Variants in AP2B1 observed in about 807,000 individuals in gnomAD.
AP2B1 encodes adaptor related protein complex 2 subunit beta 1.
AP2B1 carries 23 observed loss-of-function variants against 102.0 expected under a neutral mutation model. The observed-to-expected ratio is 0.23, with a 90% CI of 0.16 to 0.32. The LOEUF is 0.32. Among genes scored for constraint, AP2B1 ranks in the 10% least tolerant of loss-of-function variants. The probability of loss-of-function intolerance (pLI) is 1.00; values close to 1 mark genes in which losing one functional copy is unlikely to be tolerated. For synonymous variants in AP2B1, 381 were observed against 421.2 expected (o/e 0.90, Z 1.17); for missense variants, 541 against 1,157.4 (o/e 0.47, Z 7.73).
chr17:35,597,776 A>G (rs902737496), intron 2 of AP2B1, among the ~76,000 whole-genome samples: 7 of 152,228 alleles, frequency 4.6e-5, no homozygotes, highest in African/African-American at 1.7e-4. Context: ...GCTAAGCCCA[A>G]CTTTGTCACT....
intron 9 of AP2B1, 57 bp downstream of exon 9, chr17:35,627,783 C>G: frequency 7.2e-7 from 1 of 1,391,586 alleles, no homozygotes; most frequent in Non-Finnish European, 9.9e-7. Context: ...GTTCTCTTCA[C>G]TTTTTTCTTT....
chr17:35,711,698 C>G (rs1245561733), intron 20 of AP2B1, among the ~76,000 whole-genome samples: 1 of 152,212 alleles, frequency 6.6e-6, no homozygotes, highest in Non-Finnish European at 1.5e-5. Context: ...TTCTTGATCT[C>G]CTGACCTTGT....
In AP2B1 at chr17:35,640,247, T is replaced by TA. The variant is rs56356039; in HGVS notation, c.1437+487_1437+488insA. 2.3e-3 allele frequency among the ~76,000 whole-genome samples: 333 copies of TA among 147,226 alleles called. 3 individuals are homozygous for TA. Among genetic ancestry groups the TA allele is most frequent in the African/African-American group, 6.5e-3 (257 of 39,758 alleles). On this transcript the variant is annotated intron_variant, in intron 11 of 21. Transcript: ENST00000610402. ...TACTGATTTTTTTTTTTTTTTTTTT[T>TA]TTTTTTTTGAGACAGTTTCACTCTT... is the stretch of plus-strand genomic sequence containing the variant.
intron 3 of AP2B1, among the ~76,000 whole-genome samples, chr17:35,603,160 G>A (rs999469375): frequency 2.0e-5 from 3 of 152,056 alleles, no homozygotes; most frequent in Non-Finnish European, 2.9e-5. Context: ...GTGTATATAG[G>A]ACCATTGTAT....
chr17:35,716,651 T>G (rs2076556329), intron 20 of AP2B1, among the ~76,000 whole-genome samples: 1 of 152,204 alleles, frequency 6.6e-6, no homozygotes, highest in African/African-American at 2.4e-5. Flanking sequence ...TAAATTTGAT[T>G]TGCAGTTGAC....
chr17:35,592,298 G>A (rs1295630138), intron 1 of AP2B1, among the ~76,000 whole-genome samples: 1 of 151,744 alleles, frequency 6.6e-6, no homozygotes, highest in Non-Finnish European at 1.5e-5. Context: ...ATGGTGATAA[G>A]GAAAAAGATA....
rs532668927 is a variant in AP2B1, at chr17:35,676,020, G to C, written c.2324+1699G>C. Among the ~76,000 whole-genome samples, 9 of 152,110 alleles carry C rather than the reference G, an allele frequency of 5.9e-5. No individual in the cohort carries two copies. The South Asian group carries it at 6.2e-4, about 11-fold the overall frequency. On this transcript the variant is annotated intron_variant, in intron 17 of 21. Coordinates refer to ENST00000610402, the MANE Select transcript of AP2B1 (RefSeq NM_001030006.2). ...TAGGTTCCTCCTCCTCCTCTGTTTT[G>C]TTCCTTAAAATTTATCTCCTCCTCC...
intron 13 of AP2B1, among the ~76,000 whole-genome samples, chr17:35,654,415 A>G (rs927984148): frequency 6.6e-6 from 1 of 152,160 alleles, no homozygotes; most frequent in African/African-American, 2.4e-5. Context: ...AATATGCAAG[A>G]TAGAATGGTA....
At chr17:35,602,095 T>A (rs1209987704) in intron 3 of AP2B1, among the ~76,000 whole-genome samples, 1 of 152,238 alleles carries the variant, frequency 6.6e-6, no homozygotes, top group Admixed American at 6.5e-5. Context: ...TGATTTTTTT[T>A]TATATGCTTG....
chr17:35,609,186 C>A (rs955494210), intron 5 of AP2B1, among the ~76,000 whole-genome samples: 1 of 151,960 alleles, frequency 6.6e-6, no homozygotes, highest in Non-Finnish European at 1.5e-5. Context: ...ATTTATCTAT[C>A]TATTTATTTA....
At chr17:35,676,047 T>C (rs976181950) in intron 17 of AP2B1, among the ~76,000 whole-genome samples, 6 of 152,122 alleles carry the variant, frequency 3.9e-5, no homozygotes, top group East Asian at 1.9e-4. Flanking sequence ...TCCTCCTCCT[T>C]CTCTGTTTTG....
At chr17:35,674,605 TGAAG>T (rs2075661082) in intron 17 of AP2B1, among the ~76,000 whole-genome samples, 1 of 152,200 alleles carries the variant, frequency 6.6e-6, no homozygotes, top group African/African-American at 2.4e-5. Flanking sequence ...CTCAGGAGGC[TGAAG>T]CAGGCAAATC....
At chr17:35,713,415 T>C (rs1348745663) in intron 20 of AP2B1, among the ~76,000 whole-genome samples, 1 of 152,220 alleles carries the variant, frequency 6.6e-6, no homozygotes, top group African/African-American at 2.4e-5. Flanking sequence ...TTTCCAGCTC[T>C]TCCTTTGAGT....
At chr17:35,633,227 G>A (rs1483116146) in intron 9 of AP2B1, among the ~76,000 whole-genome samples, 1 of 151,952 alleles carries the variant, frequency 6.6e-6, no homozygotes, top group Non-Finnish European at 1.5e-5. Flanking sequence ...GGGCTTGGTG[G>A]CCCATACTTG....
At chr17:35,624,287 G>A (rs2074259085) in intron 5 of AP2B1, 110 bp from the exon 6 acceptor site, 3 of 961,494 alleles carry the variant, frequency 3.1e-6, no homozygotes, top group South Asian at 3.0e-5. Context: ...AAATGTTCAG[G>A]AATGGTTATG....
chr17:35,626,959 A>G, intron 7 of AP2B1, 117 bp downstream of exon 7: 7 of 1,028,110 alleles, frequency 6.8e-6, no homozygotes, highest in Non-Finnish European at 1.0e-5. Flanking sequence ...TGAAAATGTT[A>G]TATGGCAGAA....
intron 2 of AP2B1, among the ~76,000 whole-genome samples, chr17:35,597,962 T>C (rs1597978747): frequency 6.6e-6 from 1 of 152,312 alleles, no homozygotes; most frequent in East Asian, 1.9e-4. Flanking sequence ...ATAATGAGAT[T>C]TGGTTTTTCC....
At chr17:35,666,815 G>A (rs890432503) in intron 14 of AP2B1, among the ~76,000 whole-genome samples, 1 of 152,176 alleles carries the variant, frequency 6.6e-6, no homozygotes, top group Non-Finnish European at 1.5e-5. Context: ...TGGGCTTAGA[G>A]TATGTCCAGA....
rs2074608822 is a variant in AP2B1, at chr17:35,636,465, A to G, written c.1271+9A>G. The G allele has an allele frequency of 1.3e-6, 2 of 1,595,308 alleles. No individual in the cohort carries two copies. The highest frequency in any genetic ancestry group is 1.7e-5 in the Admixed American group (1 of 59,940). ...CGCAAATACCCCAACAAGTATGTCC[A>G]AATACCTTTACCCCTCTTTCTCAAA... On this transcript the variant is annotated intron_variant, in intron 10 of 21. Transcript: ENST00000610402.
Sources: allele counts gnomAD v4.1 joint callset (sites outside exome capture counted in the v4.1 genomes callset), GRCh38; gene constraint gnomAD v4.1.1; transcripts MANE v1.5; gene names NCBI Gene and HGNC (gene_info 2026-07-23, HGNC 2026-07-21).